Variants in IGF1R observed in about 807,000 individuals in gnomAD.
The protein encoded by IGF1R is insulin like growth factor 1 receptor, also known as insulin-like growth factor 1 receptor.
In IGF1R, 44 loss-of-function variants were observed where a neutral mutation model predicts 144.6. The observed-to-expected ratio is 0.30, with a 90% CI of 0.24 to 0.39. IGF1R has a LOEUF of 0.39. Among genes scored for constraint, IGF1R ranks in the 10% least tolerant of loss-of-function variants. IGF1R has a pLI of 1.00. For synonymous variants in IGF1R, 795 were observed against 722.8 expected, an observed-to-expected ratio of 1.10 and a Z score of -1.60; for missense variants, 1,355 against 1,833.7, an observed-to-expected ratio of 0.74 and a Z score of 4.77.
chr15:98,717,081 A>G (rs914041153), intron 2 of IGF1R, among the ~76,000 whole-genome samples: 3 of 152,358 alleles, frequency 2.0e-5, no homozygotes, highest in Middle Eastern at 3.4e-3. Context: ...CTGCAAGAAT[A>G]CATCATTTTG....
At chr15:98,686,100 T>C (rs1596185165) in intron 1 of IGF1R, among the ~76,000 whole-genome samples, 1 of 152,242 alleles carries the variant, frequency 6.6e-6, no homozygotes, top group African/African-American at 2.4e-5. Flanking sequence ...TAAATTTGAC[T>C]GTCTGGATAC....
At chr15:98,821,243 C>T (rs374963869) in intron 2 of IGF1R, among the ~76,000 whole-genome samples, 79 of 152,018 alleles carry the variant, frequency 5.2e-4, no homozygotes, top group African/African-American at 1.9e-3. Context: ...TTCCCTTCCT[C>T]TGTTGATTTT....
At chr15:98,678,592 A>C (rs1596174343) in intron 1 of IGF1R, among the ~76,000 whole-genome samples, 1 of 152,032 alleles carries the variant, frequency 6.6e-6, no homozygotes, top group East Asian at 1.9e-4. Flanking sequence ...GGCCCACTTC[A>C]GCCTTGACCT....
intron 1 of IGF1R, among the ~76,000 whole-genome samples, chr15:98,686,750 A>G (rs1022118731): frequency 2.6e-5 from 4 of 151,736 alleles, no homozygotes; most frequent in African/African-American, 7.3e-5. Context: ...AGTTCACTGC[A>G]GCCTCAACCT....
chr15:98,757,829 T>C (rs1030762590), intron 2 of IGF1R, among the ~76,000 whole-genome samples: 3 of 152,248 alleles, frequency 2.0e-5, no homozygotes, highest in Non-Finnish European at 1.5e-5. Context: ...ATTGCTTTCA[T>C]CTTATTCAAT....
intron 2 of IGF1R, among the ~76,000 whole-genome samples, chr15:98,741,126 CTTGGG>C (rs2054730071): frequency 6.6e-6 from 1 of 151,268 alleles, no homozygotes; most frequent in East Asian, 1.9e-4. Context: ...GAATGACTCT[CTTGGG>C]TAAATTATTA....
chr15:98,741,242 T>G lies in IGF1R; in HGVS notation c.640+33135T>G, dbSNP rs976981451. Among the ~76,000 whole-genome samples, 189 of 148,696 alleles carry G rather than the reference T, an allele frequency of 1.3e-3. 6 individuals are homozygous for G. The highest frequency in any genetic ancestry group is 2.5e-4 in the Non-Finnish European group (17 of 67,172). On this transcript the variant is annotated intron_variant, in intron 2 of 20. Transcript: ENST00000650285. Reference sequence around the variant, plus strand: ...TTATATAGTTTTCCTGAGCTTTTTTTTTTTTTTTTTTTTTTTTTTGGTAAC... The same window carrying G: ...TTATATAGTTTTCCTGAGCTTTTTTGTTTTTTTTTTTTTTTTTTTGGTAAC...
chr15:98,667,490 G>C (rs1423284032), intron 1 of IGF1R, among the ~76,000 whole-genome samples: 1 of 152,248 alleles, frequency 6.6e-6, no homozygotes, highest in Non-Finnish European at 1.5e-5. Flanking sequence ...AGCTTGGAGG[G>C]ACGCGCTGCT....
At chr15:98,888,966 A>G (rs1326922835) in intron 2 of IGF1R, among the ~76,000 whole-genome samples, 1 of 152,164 alleles carries the variant, frequency 6.6e-6, no homozygotes, top group Non-Finnish European at 1.5e-5. Context: ...TTACTACTGC[A>G]TTCCAGCCAG....
At chr15:98,689,967 G>A (rs1250225281) in intron 1 of IGF1R, among the ~76,000 whole-genome samples, 2 of 152,174 alleles carry the variant, frequency 1.3e-5, no homozygotes, top group East Asian at 3.9e-4. Context: ...TCCTTTGGGT[G>A]TGGTTTGGGG....
intron 2 of IGF1R, among the ~76,000 whole-genome samples, chr15:98,721,286 G>A (rs543145028): frequency 2.2e-4 from 33 of 152,306 alleles, no homozygotes; most frequent in Non-Finnish European, 3.7e-4. Flanking sequence ...TTATCAGTAG[G>A]TTCAGAGGAC....
intron 2 of IGF1R, among the ~76,000 whole-genome samples, chr15:98,743,829 T>C (rs183581896): frequency 2.2e-3 from 336 of 152,084 alleles, no homozygotes; most frequent in Admixed American, 6.2e-3. Context: ...CTTGGACTAG[T>C]GGTGGAGATA....
chr15:98,871,809 A>C (rs1484894791), intron 2 of IGF1R, among the ~76,000 whole-genome samples: 1 of 152,234 alleles, frequency 6.6e-6, no homozygotes, highest in Admixed American at 6.5e-5. Context: ...ACATGTGGGA[A>C]TTATAGGAGC....
intron 1 of IGF1R, among the ~76,000 whole-genome samples, chr15:98,667,100 G>A (rs926602235): frequency 2.0e-5 from 3 of 152,016 alleles, no homozygotes; most frequent in Admixed American, 2.0e-4. Flanking sequence ...GAGTCAGATG[G>A]AATGGGTCTG....
intron 2 of IGF1R, among the ~76,000 whole-genome samples, chr15:98,761,531 C>T (rs1417763448): frequency 2.6e-5 from 4 of 152,222 alleles, no homozygotes; most frequent in African/African-American, 9.6e-5. Context: ...GACTGGCTAC[C>T]TGGTTGAGTC....
intron 2 of IGF1R, among the ~76,000 whole-genome samples, chr15:98,808,408 G>T (rs1325940200): frequency 9.2e-5 from 14 of 152,192 alleles, no homozygotes; most frequent in African/African-American, 3.4e-4. Flanking sequence ...TATTGGCTAT[G>T]TAGTGATTTT....
At chr15:98,747,677 A>T (rs7176934) in intron 2 of IGF1R, among the ~76,000 whole-genome samples, 6,940 of 152,216 alleles carry the variant, frequency 0.046, 478 homozygotes, top group African/African-American at 0.15. Flanking sequence ...GGAGATTTTT[A>T]AAAAAGCCTC....
At chr15:98,903,140 C>A (rs1464993887) in intron 5 of IGF1R, among the ~76,000 whole-genome samples, 1 of 152,206 alleles carries the variant, frequency 6.6e-6, no homozygotes, top group African/African-American at 2.4e-5. Flanking sequence ...TTGTAATCCA[C>A]ATGTACACAA....
chr15:98,873,428 C>T (rs1238599382), intron 2 of IGF1R, among the ~76,000 whole-genome samples: 2 of 152,206 alleles, frequency 1.3e-5, no homozygotes, highest in Admixed American at 6.5e-5. Flanking sequence ...TGGCTGCTTT[C>T]TCTAGGTAGC....
Sources: gnomAD v4.1 joint callset for allele counts (sites outside exome capture counted in the v4.1 genomes callset) on GRCh38, gnomAD v4.1.1 for gene constraint, MANE v1.5 for transcripts, NCBI Gene and HGNC (gene_info 2026-07-23, HGNC 2026-07-21) for gene names.